Variants in ERICH1 observed in about 807,000 individuals in gnomAD.
ERICH1 encodes the protein glutamate-rich protein 1.
ERICH1 carries 56 observed loss-of-function variants against 39.6 expected under a neutral mutation model. The observed-to-expected ratio is 1.41, with a 90% CI of 1.14 to 1.77. The LOEUF (loss-of-function observed/expected upper bound fraction) is 1.77. ERICH1 is among the 40% of genes most tolerant of loss of function. The pLI is 0.00. For missense variants in ERICH1, 826 were observed against 575.4 expected, an observed-to-expected ratio of 1.44 and a Z score of -4.45; for synonymous variants, 313 against 223.6, an observed-to-expected ratio of 1.40 and a Z score of -3.57.
At chr8:685,489 G>A (rs956498406) in intron 3 of ERICH1, among the ~76,000 whole-genome samples, 1 of 152,222 alleles carries the variant, frequency 6.6e-6, no homozygotes, top group Non-Finnish European at 1.5e-5. Flanking sequence ...GGGATTAAGA[G>A]ATTAAAGACA....
chr8:693,533 G>A (rs897202467), intron 2 of ERICH1, among the ~76,000 whole-genome samples: 8 of 152,206 alleles, frequency 5.3e-5, no homozygotes, highest in African/African-American at 1.9e-4. Context: ...CCCGCTGTAT[G>A]CTCCTCTACC....
intron 2 of ERICH1, among the ~76,000 whole-genome samples, chr8:699,454 C>G (rs1811167716): frequency 6.6e-6 from 1 of 152,158 alleles, no homozygotes; most frequent in Non-Finnish European, 1.5e-5. Context: ...AGTGTAAAAT[C>G]CAAGGACAAG....
At chr8:658,570 C>G (rs1314951573) in intron 3 of ERICH1, among the ~76,000 whole-genome samples, 2 of 152,192 alleles carry the variant, frequency 1.3e-5, no homozygotes, top group South Asian at 2.1e-4. Flanking sequence ...CTATCCGCGG[C>G]CCACGTCCAT....
At chr8:653,518 C>T (rs1800238486) in intron 3 of ERICH1, among the ~76,000 whole-genome samples, 1 of 152,076 alleles carries the variant, frequency 6.6e-6, no homozygotes, top group African/African-American at 2.4e-5. Context: ...ATCACTTCCC[C>T]TTTTTTTTGT....
chr8:661,202 C>T (rs557772018), downstream of ERICH1, among the ~76,000 whole-genome samples: 2,429 of 152,134 alleles, frequency 0.016, 30 homozygotes, highest in Non-Finnish European at 0.023. Flanking sequence ...TCTGAAGAGC[C>T]CCGGGATGAG....
chr8:730,228 G>C (rs934625911), intron 1 of ERICH1, among the ~76,000 whole-genome samples: 1 of 152,194 alleles, frequency 6.6e-6, no homozygotes, highest in South Asian at 2.1e-4. Flanking sequence ...GAAGGAGAGG[G>C]GGAAGCCCAC....
At chr8:706,673 G>C (rs1288839875) in intron 2 of ERICH1, among the ~76,000 whole-genome samples, 1 of 152,136 alleles carries the variant, frequency 6.6e-6, no homozygotes, top group Non-Finnish European at 1.5e-5. Flanking sequence ...CAGCTACTCA[G>C]GCTGGAGAAC....
chr8:718,977 C>T (rs1816682833), intron 1 of ERICH1, among the ~76,000 whole-genome samples: 1 of 152,192 alleles, frequency 6.6e-6, no homozygotes, highest in Non-Finnish European at 1.5e-5. Context: ...CATCTGTACC[C>T]AGGTGTGTTG....
At chr8:636,899 T>C (rs1182783093) in intron 3 of ERICH1, among the ~76,000 whole-genome samples, 1 of 152,202 alleles carries the variant, frequency 6.6e-6, no homozygotes, top group African/African-American at 2.4e-5. Flanking sequence ...ACAGCCCACT[T>C]TCTGCAGGGT....
At chr8:685,741 G>A (rs530857087) in intron 3 of ERICH1, among the ~76,000 whole-genome samples, 11 of 152,192 alleles carry the variant, frequency 7.2e-5, no homozygotes, top group Non-Finnish European at 1.0e-4. Flanking sequence ...ATCTTTTTCC[G>A]AGGCCTTGTC....
intron 2 of ERICH1, 95 bp downstream of exon 2, chr8:715,766 C>T (rs1654113090): frequency 2.7e-5 from 41 of 1,501,802 alleles, no homozygotes; most frequent in Non-Finnish European, 3.6e-5. Flanking sequence ...CAGACAGATG[C>T]CCGAGGCCCA....
At chr8:655,920 T>G (rs544874730) in intron 3 of ERICH1, among the ~76,000 whole-genome samples, 1 of 152,134 alleles carries the variant, frequency 6.6e-6, no homozygotes, top group Non-Finnish European at 1.5e-5. Context: ...TCCACTATGC[T>G]GTTCTCGCAG....
intron 3 of ERICH1, chr8:615,531 T>C: frequency 2.4e-6 from 1 of 419,202 alleles, no homozygotes; most frequent in East Asian, 3.9e-5. Flanking sequence ...GCTCAGACAA[T>C]GGCAGTGTTG....
At position 651,310 on chromosome 8, in the gene ERICH1, G is replaced by A. The variant is rs1395994723; in HGVS notation, c.976+17288C>T. On this transcript the variant is annotated intron_variant, in intron 3 of 3. Transcript: ENST00000522706. ...CTGTGACACTGGGTTGGGTGGGAGT[G>A]GGAAAAGAGGGGAAGGGATTCTGAA... Among the ~76,000 whole-genome samples, 11 of 152,184 alleles carry A rather than the reference G, an allele frequency of 7.2e-5. 1 individual carries two copies. The highest frequency in any genetic ancestry group is 7.2e-4 in the Admixed American group (11 of 15,282).
intron 1 of ERICH1, among the ~76,000 whole-genome samples, chr8:718,257 C>T (rs1292608164): frequency 6.6e-6 from 1 of 152,108 alleles, no homozygotes; most frequent in African/African-American, 2.4e-5. Flanking sequence ...GGAGAAACCG[C>T]ACAACACACC....
At chr8:686,473 A>C (rs112597351) in intron 3 of ERICH1, among the ~76,000 whole-genome samples, 3,398 of 152,022 alleles carry the variant, frequency 0.022, 138 homozygotes, top group African/African-American at 0.077. Flanking sequence ...AAACAAAAAC[A>C]AAAACCATGT....
Position 673,565 on chromosome 8 carries a change from C to A in ERICH1, c.787G>T (p.Glu263Ter). The change falls in exon 4 of 6, where the codon GAG (glutamate) becomes TAG (stop). Residue 263 changes from glutamate (E) to a stop codon, truncating the protein, a stop_gained. Coordinates refer to ENST00000262109, the MANE Select transcript of ERICH1 (RefSeq NM_207332.3). LOFTEE classifies it high-confidence loss of function. The part of the protein sequence containing the change: ...ASEEDPTPAG[E>*]EDVKDAREED... ...TCCCTGGCGTCTTTAACGTCTTCCT[C>A]CCCGGCCGGTGTCGGATCTTCCTCA... The A allele has an allele frequency of 6.4e-7, 1 of 1,553,118 alleles. No homozygotes were observed. The highest frequency in any genetic ancestry group is 1.3e-5 in the African/African-American group (1 of 74,412).
chr8:665,361 C>A (rs1802040493), intron 5 of ERICH1, among the ~76,000 whole-genome samples: 2 of 152,228 alleles, frequency 1.3e-5, no homozygotes, highest in Admixed American at 1.3e-4. Context: ...CGGGTGGACA[C>A]TGGCTGCCAG....
At chr8:630,449 C>T (rs1296105332) in intron 3 of ERICH1, among the ~76,000 whole-genome samples, 3 of 139,040 alleles carry the variant, frequency 2.2e-5, no homozygotes, top group African/African-American at 5.4e-5. Context: ...GACTCACACC[C>T]TCCCGTGAGC....
Sources: allele counts gnomAD v4.1 joint callset (sites outside exome capture counted in the v4.1 genomes callset), GRCh38; gene constraint gnomAD v4.1.1; transcripts MANE v1.5; gene names NCBI Gene and HGNC (gene_info 2026-07-23, HGNC 2026-07-21).